Variants in PRKN observed in about 807,000 individuals in gnomAD.
The protein encoded by PRKN is parkin RBR E3 ubiquitin protein ligase, also known as E3 ubiquitin-protein ligase parkin.
In PRKN, 56 loss-of-function variants were observed where a neutral mutation model predicts 59.5. That is an observed-to-expected ratio of 0.94 (90% CI 0.76 to 1.18). The LOEUF is 1.18. Ranked by LOEUF, PRKN falls within the 50% of genes most tolerant of loss-of-function variation. PRKN has a pLI of 0.00. For synonymous variants in PRKN, 250 were observed against 222.1 expected (o/e 1.13, Z -1.12); for missense variants, 657 against 596.4 (o/e 1.10, Z -1.06).
At chr6:162,727,232 A>G (rs1336138310) in intron 1 of PRKN, 1 of 177,874 alleles carries the variant, frequency 5.6e-6, no homozygotes, top group East Asian at 1.5e-4. Context: ...AGCCCCACAG[A>G]GAGTGGGTCT....
At chr6:162,017,620 C>G (rs551785953) in intron 5 of PRKN, among the ~76,000 whole-genome samples, 4 of 152,124 alleles carry the variant, frequency 2.6e-5, no homozygotes, top group Admixed American at 2.6e-4. Flanking sequence ...TCATTCTTCA[C>G]GACAAATATA....
intron 1 of PRKN, among the ~76,000 whole-genome samples, chr6:162,465,398 T>G (rs567480028): frequency 1.3e-5 from 2 of 152,218 alleles, no homozygotes; most frequent in Admixed American, 1.3e-4. Flanking sequence ...TTATGAGAGA[T>G]GCACAACACT....
rs1288809236 is a variant in PRKN, at chr6:161,401,359, C to T, written c.1084-14482G>A. ...GGCATGGTGGCTCACATCTGTAATC[C>T]CAGCACTTTGGGAAGCCAAGGTGGG... is the stretch of plus-strand genomic sequence containing the variant. On this transcript the variant is annotated intron_variant, in intron 9 of 11. Transcript: ENST00000366898. The surrounding 1 kb of genome is among the most constrained non-coding windows in gnomAD (Gnocchi z 4.4). 6.6e-6 allele frequency among the ~76,000 whole-genome samples: 1 copy of T among 152,066 alleles called. No individual in the cohort carries two copies. The highest frequency in any genetic ancestry group is 1.5e-5 in the Non-Finnish European group (1 of 68,006).
rs138758351 is a variant in PRKN, at chr6:161,645,673, G to A, written c.872-76257C>T. On this transcript the variant is annotated intron_variant, in intron 7 of 11. Transcript: ENST00000366898. ...CCTAGCTATATGTGCATTTGGCATTGTTGCCTAATTAAAACTTCCCTTAAT... is the reference window on the plus strand; with the variant it reads ...CCTAGCTATATGTGCATTTGGCATTATTGCCTAATTAAAACTTCCCTTAAT... 4.0e-3 allele frequency among the ~76,000 whole-genome samples: 603 copies of A among 152,316 alleles called. 5 individuals are homozygous for A. Among genetic ancestry groups the A allele is most frequent in the Middle Eastern group, 0.02 (6 of 294 alleles).
intron 7 of PRKN, among the ~76,000 whole-genome samples, chr6:161,711,923 T>C (rs2128182669): frequency 1.3e-5 from 2 of 152,342 alleles, no homozygotes; most frequent in East Asian, 1.9e-4. Context: ...GGTTGCACTA[T>C]CGGCTTTCCT....
At chr6:161,464,815 T>C (rs1790379566) in intron 9 of PRKN, among the ~76,000 whole-genome samples, 1 of 152,214 alleles carries the variant, frequency 6.6e-6, no homozygotes, top group South Asian at 2.1e-4. Context: ...TGAAACGAAT[T>C]AGTCAAATGT....
rs1337838512 is a variant in PRKN, at chr6:161,592,946, C to T, written c.872-23530G>A. On this transcript the variant is annotated intron_variant, in intron 7 of 11. Coordinates refer to ENST00000366898, the MANE Select transcript of PRKN (RefSeq NM_004562.3). The surrounding 1 kb of genome is among the most constrained non-coding windows in gnomAD (Gnocchi z 4.8). ...AGAGTAGGGAGAAGGCACTGGAGGA[C>T]TTGCACATGGTAGTGATGTCATAGC... Among the ~76,000 whole-genome samples, 2 of 152,154 alleles carry T rather than the reference C, an allele frequency of 1.3e-5. No individual in the cohort carries two copies. Among genetic ancestry groups the T allele is most frequent in the Non-Finnish European group, 2.9e-5 (2 of 68,032 alleles).
rs1790059089 is a variant in PRKN at position 161,458,254 on chromosome 6, CG to C, written c.1084-71378del. On this transcript the variant is annotated intron_variant, in intron 9 of 11. Transcript: ENST00000366898. The surrounding 1 kb of genome is among the most constrained non-coding windows in gnomAD (Gnocchi z 6.1). ...TGCTGCCACTTACAGATTTCAGAAA[CG>C]TGTTGTCATTCTTTAATCATGATCA... Among the ~76,000 whole-genome samples, 2 of 152,058 alleles carry C rather than the reference CG, an allele frequency of 1.3e-5. No individual in the cohort carries two copies. The highest frequency in any genetic ancestry group is 2.9e-5 in the Non-Finnish European group (2 of 68,022).
intron 9 of PRKN, among the ~76,000 whole-genome samples, chr6:161,394,712 T>C (rs1786672862): frequency 6.6e-6 from 1 of 152,086 alleles, no homozygotes; most frequent in South Asian, 2.1e-4. Context: ...TCAGAGAAGA[T>C]GAGTTCATGC....
At chr6:162,579,314 A>G (rs1247178381) in intron 1 of PRKN, among the ~76,000 whole-genome samples, 1 of 152,094 alleles carries the variant, frequency 6.6e-6, no homozygotes, top group Non-Finnish European at 1.5e-5. Context: ...ATACTCCTTC[A>G]AGACCCAATC....
At chr6:161,732,485 T>TTTTTG (rs1554298360) in intron 7 of PRKN, among the ~76,000 whole-genome samples, 4 of 146,418 alleles carry the variant, frequency 2.7e-5, no homozygotes, top group African/African-American at 1.0e-4. Context: ...TTTTTTTTTT[T>TTTTTG]TGTGTGTGTG....
At chr6:162,405,352 C>T (rs1185462873) in intron 2 of PRKN, among the ~76,000 whole-genome samples, 1 of 152,166 alleles carries the variant, frequency 6.6e-6, no homozygotes, top group African/African-American at 2.4e-5. Context: ...AGGGGTTTCT[C>T]TAAGTCGCCC....
chr6:162,422,598 G>A (rs979837781), intron 2 of PRKN, among the ~76,000 whole-genome samples: 3 of 152,122 alleles, frequency 2.0e-5, no homozygotes, highest in African/African-American at 7.2e-5. Context: ...GGGGATAATT[G>A]AGAGGGCTCA....
chr6:161,734,813 T>C (rs954667631), intron 7 of PRKN, among the ~76,000 whole-genome samples: 3 of 152,182 alleles, frequency 2.0e-5, no homozygotes, highest in African/African-American at 7.2e-5. Context: ...ATATTTTTCA[T>C]AGTTTTACCA....
chr6:162,111,604 G>A (rs547907653), intron 4 of PRKN, among the ~76,000 whole-genome samples: 3 of 152,222 alleles, frequency 2.0e-5, no homozygotes, highest in African/African-American at 7.2e-5. Context: ...GTATTTGTGT[G>A]TGAGAAGGAA....
At chr6:161,680,775 A>ATTTTTTTTTTT (rs869253616) in intron 7 of PRKN, among the ~76,000 whole-genome samples, 10 of 30,616 alleles carry the variant, frequency 3.3e-4, no homozygotes, top group Admixed American at 5.1e-4. Flanking sequence ...ATATATATAT[A>ATTTTTTTTTTT]TTTTTTTTTT....
At chr6:162,668,804 A>ACTT (rs1226929428) in intron 1 of PRKN, among the ~76,000 whole-genome samples, 1 of 152,166 alleles carries the variant, frequency 6.6e-6, no homozygotes, top group African/African-American at 2.4e-5. Context: ...TAAAGTAGGA[A>ACTT]CAGGAAGGAC....
intron 2 of PRKN, among the ~76,000 whole-genome samples, chr6:162,325,045 T>C (rs983059827): frequency 5.9e-5 from 9 of 152,058 alleles, no homozygotes; most frequent in African/African-American, 2.2e-4. Flanking sequence ...ATATTTTAAT[T>C]TGGAAAAAAA....
intron 2 of PRKN, among the ~76,000 whole-genome samples, chr6:162,389,781 G>A (rs1289593331): frequency 6.6e-6 from 1 of 152,176 alleles, no homozygotes; most frequent in Non-Finnish European, 1.5e-5. Context: ...CAGGCCTAGT[G>A]GAGTCCAAAG....
Sources: gnomAD v4.1 joint callset for allele counts (sites outside exome capture counted in the v4.1 genomes callset) on GRCh38, gnomAD v4.1.1 for gene constraint, Gnocchi (gnomAD v3.1) non-coding constraint, MANE v1.5 for transcripts, NCBI Gene and HGNC (gene_info 2026-07-23, HGNC 2026-07-21) for gene names.